The following APBA1 variants were observed in gnomAD, a reference collection of about 807,000 sequenced individuals.
The protein encoded by APBA1 is amyloid beta precursor protein binding family A member 1.
APBA1 carries 55 observed loss-of-function variants against 86.6 expected under a neutral mutation model. The observed-to-expected ratio is 0.64, with a 90% confidence interval of 0.51 to 0.80. APBA1 has a LOEUF of 0.80. Among genes scored for constraint, APBA1 ranks in the 30% least tolerant of loss-of-function variants. The pLI, the probability that APBA1 is intolerant of heterozygous loss-of-function variation, is 0.00. For synonymous variants in APBA1, 511 were observed against 493.9 expected (o/e 1.03, Z -0.46); for missense variants, 1,090 against 1,183.0 (o/e 0.92, Z 1.15).
intron 1 of APBA1, among the ~76,000 whole-genome samples, chr9:69,617,955 A>AAC (rs35169283): frequency 0.29 from 43,862 of 151,636 alleles, 6,524 homozygotes; most frequent in South Asian, 0.39. Flanking sequence ...ATCAAGCTTA[A>AAC]ACACACACAC....
chr9:69,596,095 T>C (rs1156824823), intron 1 of APBA1, among the ~76,000 whole-genome samples: 3 of 152,070 alleles, frequency 2.0e-5, no homozygotes, highest in African/African-American at 7.2e-5. Flanking sequence ...TCAAGGGATC[T>C]TCCCATTTCA....
At chr9:69,452,066 T>G in intron 9 of APBA1, 56 bp downstream of exon 9, 1 of 1,561,470 alleles carries the variant, frequency 6.4e-7, no homozygotes, top group African/African-American at 1.3e-5. Flanking sequence ...TGCCCCACTT[T>G]CCAAGCCCCT....
chr9:69,599,813 G>A (rs1246774632), intron 1 of APBA1, among the ~76,000 whole-genome samples: 1 of 152,182 alleles, frequency 6.6e-6, no homozygotes, highest in Non-Finnish European at 1.5e-5. Context: ...CTACTCTAAG[G>A]AGTCTATGGC....
chr9:69,464,765 C>T (rs1373314093), intron 5 of APBA1: 3 of 152,206 alleles, frequency 2.0e-5, no homozygotes, highest in Non-Finnish European at 2.9e-5. Flanking sequence ...CATTGCTTTA[C>T]GTTCAAGTGA....
chr9:69,608,982 T>A (rs1822528804), intron 1 of APBA1, among the ~76,000 whole-genome samples: 1 of 152,232 alleles, frequency 6.6e-6, no homozygotes, highest in Admixed American at 6.5e-5. Context: ...TGGTACATAA[T>A]CTGCTTTTAA....
rs1014135947 is a variant in APBA1, at chr9:69,670,236, G to GA, written c.-70+1916dup. Among the ~76,000 whole-genome samples the GA allele has an allele frequency of 3.3e-5, 5 of 151,398 alleles. No homozygotes were observed. In the East Asian group the frequency reaches 5.8e-4, roughly 18 times the overall value. On this transcript the variant is annotated intron_variant, in intron 1 of 12. Coordinates refer to ENST00000265381, the MANE Select transcript of APBA1 (RefSeq NM_001163.4). Reference sequence around the variant, plus strand: ...TATCATTAAATAAGATACATGGGAAGAAAAAAAAGCATATGTGGATAGCCC... The same window carrying GA: ...TATCATTAAATAAGATACATGGGAAGAAAAAAAAAGCATATGTGGATAGCCC...
intron 2 of APBA1, among the ~76,000 whole-genome samples, chr9:69,505,686 G>A (rs150595926): frequency 8.5e-5 from 13 of 152,204 alleles, no homozygotes; most frequent in African/African-American, 2.4e-4. Context: ...GAATGATTCT[G>A]TTGCCTATAG....
intron 2 of APBA1, among the ~76,000 whole-genome samples, chr9:69,511,376 C>T (rs1238611233): frequency 6.6e-6 from 1 of 152,178 alleles, no homozygotes; most frequent in Admixed American, 6.5e-5. Flanking sequence ...CAATGAGATA[C>T]AATCTCACAC....
intron 1 of APBA1, among the ~76,000 whole-genome samples, chr9:69,546,465 C>G (rs548854776): frequency 6.6e-6 from 1 of 152,138 alleles, no homozygotes; most frequent in African/African-American, 2.4e-5. Context: ...AGTAAGATAA[C>G]CAAGAGGGCG....
chr9:69,573,207 C>T (rs1013047056), intron 1 of APBA1, among the ~76,000 whole-genome samples: 2 of 152,038 alleles, frequency 1.3e-5, no homozygotes, highest in East Asian at 1.9e-4. Flanking sequence ...TTTGGCTGGG[C>T]GCAGTGGCTC....
chr9:69,455,391 G>T (rs1229623511), intron 8 of APBA1, among the ~76,000 whole-genome samples: 2 of 152,142 alleles, frequency 1.3e-5, no homozygotes, highest in Admixed American at 6.5e-5. Context: ...CCAGGATGGT[G>T]CGGGGAGGTA....
chr9:69,629,250 A>C (rs1416034776), intron 1 of APBA1, among the ~76,000 whole-genome samples: 8 of 152,176 alleles, frequency 5.3e-5, no homozygotes, highest in African/African-American at 1.9e-4. Context: ...TAATATTTAG[A>C]ATATTTAATT....
chr9:69,585,490 T>C (rs531095529), intron 1 of APBA1, among the ~76,000 whole-genome samples: 1 of 152,304 alleles, frequency 6.6e-6, no homozygotes, highest in East Asian at 1.9e-4. Context: ...GGATGCCTCA[T>C]GGGCCAGACA....
At chr9:69,590,296 TG>T (rs1452112611) in intron 1 of APBA1, among the ~76,000 whole-genome samples, 5 of 152,216 alleles carry the variant, frequency 3.3e-5, no homozygotes, top group Non-Finnish European at 5.9e-5. Flanking sequence ...AATAAATAGC[TG>T]TTGAATTGAA....
intron 2 of APBA1, among the ~76,000 whole-genome samples, chr9:69,514,213 C>A (rs1836096841): frequency 6.6e-6 from 1 of 152,178 alleles, no homozygotes; most frequent in South Asian, 2.1e-4. Context: ...GAATACATAT[C>A]TTTTGTGAAG....
intron 1 of APBA1, among the ~76,000 whole-genome samples, chr9:69,547,162 C>T (rs780887522): frequency 3.9e-5 from 6 of 152,214 alleles, no homozygotes; most frequent in Admixed American, 2.0e-4. Context: ...TCTTCTCTCA[C>T]GCCCTCAATA....
At chr9:69,436,059 TTCTCAGGTTTG>T (rs1379417411) in intron 11 of APBA1, among the ~76,000 whole-genome samples, 1 of 151,242 alleles carries the variant, frequency 6.6e-6, no homozygotes, top group Non-Finnish European at 1.5e-5. Flanking sequence ...TTGCTTGTTT[TTCTCAGGTTTG>T]TCAAAGATCA....
At chr9:69,566,889 G>A (rs754826546) in intron 1 of APBA1, among the ~76,000 whole-genome samples, 4 of 152,032 alleles carry the variant, frequency 2.6e-5, no homozygotes, top group Admixed American at 1.3e-4. Context: ...TACACTTGCT[G>A]TTTGGTCACA....
intron 2 of APBA1, among the ~76,000 whole-genome samples, chr9:69,486,959 C>T (rs1352388481): frequency 6.6e-6 from 1 of 151,558 alleles, no homozygotes; most frequent in Non-Finnish European, 1.5e-5. Context: ...CTGAGTTGAA[C>T]CAAAAGATCT....
Sources: gnomAD v4.1 joint callset for allele counts (sites outside exome capture counted in the v4.1 genomes callset) on GRCh38, gnomAD v4.1.1 for gene constraint, MANE v1.5 for transcripts, NCBI Gene and HGNC (gene_info 2026-07-23, HGNC 2026-07-21) for gene names.